The following COL5A2 variants were observed in gnomAD, a reference collection of about 807,000 sequenced individuals.
COL5A2 encodes collagen type V alpha 2 chain, also known as collagen alpha-2(V) chain.
COL5A2 carries 23 observed loss-of-function variants against 208.2 expected under a neutral mutation model. The observed-to-expected ratio is 0.11, with a 90% CI of 0.08 to 0.16. The LOEUF (loss-of-function observed/expected upper bound fraction) is 0.16. Among genes scored for constraint, COL5A2 ranks in the 10% least tolerant of loss-of-function variants. COL5A2 has a pLI of 1.00. For synonymous variants in COL5A2, 625 were observed against 628.5 expected (o/e 0.99, Z 0.08); for missense variants, 1,590 against 1,956.4 (o/e 0.81, Z 3.53).
chr2:189,203,117 G>C (rs1689098715), intron 1 of COL5A2, among the ~76,000 whole-genome samples: 1 of 152,108 alleles, frequency 6.6e-6, no homozygotes, highest in African/African-American at 2.4e-5. Context: ...ATGAGTACTT[G>C]AAACATATGT....
intron 16 of COL5A2, among the ~76,000 whole-genome samples, chr2:189,076,178 C>T (rs1265262489): frequency 1.3e-5 from 2 of 152,170 alleles, no homozygotes; most frequent in East Asian, 1.9e-4. Flanking sequence ...TCTAAGAGCA[C>T]TCACCAATAA....
At chr2:189,065,281 G>A (rs550097948) in intron 23 of COL5A2, among the ~76,000 whole-genome samples, 1 of 152,310 alleles carries the variant, frequency 6.6e-6, no homozygotes, top group Admixed American at 6.5e-5. Context: ...GAAATATTCT[G>A]CACTTTGGGA....
intron 1 of COL5A2, among the ~76,000 whole-genome samples, chr2:189,190,484 A>G (rs1053283344): frequency 1.3e-5 from 2 of 151,418 alleles, no homozygotes; most frequent in African/African-American, 4.9e-5. Context: ...AATTTACTTT[A>G]AAAATAATTT....
the COL5A2 span, among the ~76,000 whole-genome samples, chr2:189,230,643 A>C: frequency 6.6e-6 from 1 of 151,962 alleles, no homozygotes; most frequent in Non-Finnish European, 1.5e-5. Context: ...ATACCACCTC[A>C]TAAGATGCTA....
intron 2 of COL5A2, among the ~76,000 whole-genome samples, chr2:189,105,922 C>A (rs953864039): frequency 6.6e-6 from 1 of 151,462 alleles, no homozygotes; most frequent in Non-Finnish European, 1.5e-5. Context: ...CTTTTCTCCA[C>A]TGCTACGATG....
chr2:189,407,552 AAAGAT>A, the COL5A2 span, among the ~76,000 whole-genome samples: 191 of 152,236 alleles, frequency 1.3e-3, 1 homozygote, highest in African/African-American at 4.4e-3. Context: ...TTTAATGGCA[AAAGAT>A]AAGACTCTTT....
rs770622592 is a variant in COL5A2, at chr2:189,066,411, A to G, written c.1542T>C (p.Pro514=). The G allele has an allele frequency of 1.6e-5, 26 of 1,614,016 alleles. No homozygotes were observed. The East Asian group carries it at 5.3e-4, about 33-fold the overall frequency. ...TTACCCTTTCTCCCACTGGCCCTGG[A>G]GGACCAACTGTTCCTGGGTCACCTC... The part of the protein sequence containing the change: ...GPRGDPGTVG[P]PGPVGERGAP... Residue 514 remains proline, a synonymous_variant, in exon 23 of 54, where the codon CCT becomes CCC. Coordinates refer to ENST00000374866, the MANE Select transcript of COL5A2 (RefSeq NM_000393.5).
chr2:189,392,181 C>A, the COL5A2 span, among the ~76,000 whole-genome samples: 1 of 152,092 alleles, frequency 6.6e-6, no homozygotes, highest in Non-Finnish European at 1.5e-5. Context: ...CTCAACTGCT[C>A]AAAATTCCAC....
At chr2:189,395,758 A>C in the COL5A2 span, among the ~76,000 whole-genome samples, 4 of 151,708 alleles carry the variant, frequency 2.6e-5, no homozygotes, top group Non-Finnish European at 5.9e-5. Context: ...ACAAAAAAAA[A>C]TTAGCCAGGT....
At position 189,069,016 on chromosome 2, in the gene COL5A2, T is replaced by A. The variant is rs974052449; in HGVS notation, c.1159-132A>T. The A allele has an allele frequency of 1.9e-5, 14 of 718,228 alleles. No homozygotes were observed. The African/African-American group carries it at 2.4e-4, about 13-fold the overall frequency. The allele number at this position is 718,228 out of a possible 1,614,324, so 44.5% of individuals were successfully genotyped here. A position where few individuals can be genotyped will look rare whatever the true frequency, so the allele number is the denominator to read the frequency against. ...AGAGGCCAAAGAGGATTACAAGAGA[T>A]GCGTGCCCAACCAAGCTTAAGGAGC... On this transcript the variant is annotated intron_variant, in intron 18 of 53. Transcript: ENST00000374866.
chr2:189,173,159 A>G (rs141261683), intron 1 of COL5A2, among the ~76,000 whole-genome samples: 4,536 of 151,886 alleles, frequency 0.03, 79 homozygotes, highest in Admixed American at 0.045. Flanking sequence ...TTTTTAGTAG[A>G]GACAGGGTTT....
the COL5A2 span, among the ~76,000 whole-genome samples, chr2:189,376,246 C>T: frequency 2.0e-5 from 3 of 152,142 alleles, no homozygotes; most frequent in African/African-American, 7.2e-5. Flanking sequence ...TCTTTATCTA[C>T]ATATCCTTTT....
chr2:189,261,522 T>A, the COL5A2 span, among the ~76,000 whole-genome samples: 1 of 152,318 alleles, frequency 6.6e-6, no homozygotes, highest in Non-Finnish European at 1.5e-5. Flanking sequence ...AAAATGTGAA[T>A]CATAAAAGTC....
chr2:189,154,023 C>A (rs192463886), intron 1 of COL5A2, among the ~76,000 whole-genome samples: 1 of 152,222 alleles, frequency 6.6e-6, no homozygotes. Flanking sequence ...CACTTTCAGT[C>A]ATATTAATAA....
chr2:189,185,878 G>A (rs1688845615), intron 1 of COL5A2, among the ~76,000 whole-genome samples: 1 of 152,184 alleles, frequency 6.6e-6, no homozygotes. Flanking sequence ...GTCAATCCCG[G>A]AGAACCAGGA....
chr2:189,278,693 CT>C, the COL5A2 span, among the ~76,000 whole-genome samples: 1 of 151,706 alleles, frequency 6.6e-6, no homozygotes, highest in Non-Finnish European at 1.5e-5. Context: ...TTTATTTCTT[CT>C]TTTCTTTTTT....
chr2:189,057,065 G>A (rs1304581639), intron 34 of COL5A2, 39 bp from the exon 35 acceptor site: 7 of 1,591,568 alleles, frequency 4.4e-6, no homozygotes, highest in Admixed American at 1.7e-5. Context: ...TCATTTAATT[G>A]TCTCTTTCCC....
At chr2:189,439,822 A>G in the COL5A2 span, among the ~76,000 whole-genome samples, 1 of 152,214 alleles carries the variant, frequency 6.6e-6, no homozygotes, top group Non-Finnish European at 1.5e-5. Flanking sequence ...ACATACAACT[A>G]AAGTCACACT....
intron 1 of COL5A2, among the ~76,000 whole-genome samples, chr2:189,128,815 A>C (rs563046563): frequency 6.6e-6 from 1 of 152,124 alleles, no homozygotes; most frequent in Admixed American, 6.6e-5. Flanking sequence ...AGAAGACTAT[A>C]TCTTCTGCTT....
Sources: allele counts gnomAD v4.1 joint callset (sites outside exome capture counted in the v4.1 genomes callset), GRCh38; gene constraint gnomAD v4.1.1; transcripts MANE v1.5; gene names NCBI Gene and HGNC (gene_info 2026-07-23, HGNC 2026-07-21).